Variants in IRAK1 observed in about 807,000 individuals in gnomAD.
IRAK1 encodes interleukin-1 receptor-associated kinase 1.
A neutral mutation model predicts 49.8 loss-of-function variants in IRAK1; 9 were observed. The ratio of observed to expected loss-of-function variants is 0.18; its 90% CI spans 0.11 to 0.32. The LOEUF (loss-of-function observed/expected upper bound fraction) is 0.32. IRAK1 is among the 10% of genes least tolerant of loss of function. IRAK1 has a pLI of 1.00. For missense variants in IRAK1, 418 were observed against 600.5 expected (o/e 0.70, Z 3.18); for synonymous variants, 282 against 270.8 (o/e 1.04, Z -0.41).
chrX:154,015,692 G>T (rs1557128955), intron 10 of IRAK1, among the ~76,000 whole-genome samples: 1 of 111,658 alleles, frequency 9.0e-6, no homozygotes, highest in African/African-American at 3.3e-5. Flanking sequence ...GGGCCCAGGA[G>T]GTTCCTCGGG....
chrX:154,017,583 G>A (rs2065748083), intron 7 of IRAK1, among the ~76,000 whole-genome samples: 1 of 111,285 alleles, frequency 9.0e-6, no homozygotes, highest in Non-Finnish European at 1.9e-5. Flanking sequence ...ACCACCTGGG[G>A]TCAGGAGTTC....
chrX:154,016,270 T>C (rs2065738112), intron 9 of IRAK1, among the ~76,000 whole-genome samples, 167 bp downstream of exon 9: 1 of 112,560 alleles, frequency 8.9e-6, no homozygotes, highest in African/African-American at 3.2e-5. Context: ...AAACACACAG[T>C]TAGGTGCAGG....
intron 13 of IRAK1, 62 bp from the exon 14 acceptor site, chrX:154,011,979 C>T (rs964172103): frequency 3.0e-6 from 3 of 1,016,266 alleles, no homozygotes; most frequent in African/African-American, 1.9e-5. Context: ...TGCCAGAAGC[C>T]CTGGCTCAAG....
intron 7 of IRAK1, among the ~76,000 whole-genome samples, chrX:154,017,271 G>T (rs1342873315): frequency 8.9e-6 from 1 of 112,371 alleles, no homozygotes; most frequent in Non-Finnish European, 1.9e-5. Flanking sequence ...GAATCTGCTG[G>T]GCTTCGGCTC....
At position 154,010,886 on chromosome X, in the gene IRAK1, G is replaced by A. The variant is rs2065692807; in HGVS notation, c.*973C>T. ...GCTTGTGGCCTCCGAAGCCTGACCT[G>A]GCTCGGAGCTCGTCTGTGGCGCCCA... On this transcript the variant is annotated 3_prime_UTR_variant, in exon 14 of 14. Coordinates refer to ENST00000369980, the MANE Select transcript of IRAK1 (RefSeq NM_001569.4). 1 of 330,829 alleles carries A rather than the reference G, an allele frequency of 3.0e-6. No homozygotes were observed. Among genetic ancestry groups the A allele is most frequent in the Non-Finnish European group, 6.1e-6 (1 of 165,011 alleles). The allele number at this position is 330,829 out of a possible 1,213,427, so 27.3% of individuals were successfully genotyped here.
At position 154,010,836 on chromosome X, in the gene IRAK1, A is replaced by C. The variant is rs2065692229; in HGVS notation, c.*1023T>G. 1 of 288,256 alleles carries C rather than the reference A, an allele frequency of 3.5e-6. No individual in the cohort carries two copies. Among genetic ancestry groups the C allele is most frequent in the Admixed American group, 4.0e-5 (1 of 25,137 alleles). The allele number at this position is 288,256 out of a possible 1,213,427, so 23.8% of individuals were successfully genotyped here. On this transcript the variant is annotated 3_prime_UTR_variant, in exon 14 of 14. Transcript: ENST00000369980. ...CCTTGGGTAGTGGCCCCTCTGCCAC[A>C]ATCAGTGCCTGGGCCTGAGGCTGAG...
rs782256946 is a variant in IRAK1, at chrX:154,011,764, C to A, written c.*95G>T. 1 of 920,925 alleles carries A rather than the reference C, an allele frequency of 1.1e-6. No individual in the cohort carries two copies. The highest frequency in any genetic ancestry group is 2.0e-5 in the South Asian group (1 of 51,090). 75.9% of individuals were successfully genotyped at this position (920,925 alleles called of 1,213,427 possible). A position where few individuals can be genotyped will look rare whatever the true frequency, so the allele number is the denominator to read the frequency against. On this transcript the variant is annotated 3_prime_UTR_variant, in exon 14 of 14. Transcript: ENST00000369980. ...CCGCGGGCATGGGCCCCCACCCCCA[C>A]TGCCGGCAGAGTGCTGAGGACTCGT...
chrX:154,012,179 G>A (rs1489035981), intron 13 of IRAK1, among the ~76,000 whole-genome samples: 2 of 112,806 alleles, frequency 1.8e-5, no homozygotes, highest in Non-Finnish European at 3.8e-5. Flanking sequence ...CAAAAGTGCT[G>A]GTATTATAGG....
Position 154,011,934 on chromosome X carries a change from A to G in IRAK1, c.2081-17T>C. ...GGCCCAAGCCTACAGAAGGAAGAGGAAAGTCCGCTTAGCAAATGGGGGAGG... is the reference window on the plus strand; with the variant it reads ...GGCCCAAGCCTACAGAAGGAAGAGGGAAGTCCGCTTAGCAAATGGGGGAGG... On this transcript the variant is annotated splice_polypyrimidine_tract_variant and intron_variant, in intron 13 of 13. Transcript: ENST00000369980. 8.3e-7 allele frequency: 1 copy of G among 1,199,325 alleles called. No individual in the cohort carries two copies. Among genetic ancestry groups the G allele is most frequent in the Non-Finnish European group, 1.1e-6 (1 of 886,694 alleles).
rs112382654 is a variant in IRAK1 at position 154,012,681 on chromosome X, G to A, written c.1931-3C>T. ...TGCAGAGCTGCCAAGGGCCAGTCCT[G>A]GGGTGGAGATGGCACTCCCTTAGCC... On this transcript the variant is annotated splice_region_variant and splice_polypyrimidine_tract_variant and intron_variant, in intron 12 of 13. Transcript: ENST00000369980. The A allele has an allele frequency of 3.3e-6, 4 of 1,208,272 alleles. No individual in the cohort carries two copies. In the Admixed American group the frequency reaches 6.5e-5, roughly 20 times the overall value.
At chrX:154,011,967 A>G in intron 13 of IRAK1, 50 bp from the exon 14 acceptor site, 1 of 1,075,738 alleles carries the variant, frequency 9.3e-7, no homozygotes, top group Non-Finnish European at 1.3e-6. Flanking sequence ...AGGCTCCCCT[A>G]CTGCCAGAAG....
intron 11 of IRAK1, 141 bp downstream of exon 11, chrX:154,013,901 C>T (rs1206822705): frequency 7.9e-6 from 7 of 887,227 alleles, no homozygotes; most frequent in Non-Finnish European, 1.1e-5. Flanking sequence ...GGCGCTGCCC[C>T]AAACAGAACC....
intron 10 of IRAK1, among the ~76,000 whole-genome samples, chrX:154,014,812 C>T: frequency 8.9e-6 from 1 of 111,982 alleles, no homozygotes; most frequent in Middle Eastern, 4.6e-3. Context: ...CCTAGGGATA[C>T]AGGAACAAAC....
rs1293495915 is a variant in IRAK1, at chrX:154,013,939, C to T, written c.1539+103G>A. On this transcript the variant is annotated intron_variant, in intron 11 of 13. Transcript: ENST00000369980. Reference sequence around the variant, plus strand: ...AGGGCAAGCAAGAAATGTGTGGAGACTCCAGAGAGACCTAGCAGGTGCTGA... The same window carrying T: ...AGGGCAAGCAAGAAATGTGTGGAGATTCCAGAGAGACCTAGCAGGTGCTGA... The T allele has an allele frequency of 2.9e-6, 3 of 1,032,699 alleles. No homozygotes were observed. The African/African-American group carries it at 5.8e-5, about 20-fold the overall frequency. 85.1% of individuals were successfully genotyped at this position (1,032,699 alleles called of 1,213,427 possible). A position where few individuals can be genotyped will look rare whatever the true frequency, so the allele number is the denominator to read the frequency against.
chrX:154,015,961 C>T (rs782198430), intron 10 of IRAK1, 71 bp downstream of exon 10: 151 of 925,541 alleles, frequency 1.6e-4, no homozygotes, highest in African/African-American at 1.1e-3. Flanking sequence ...CAGTTATCCC[C>T]GCCACTGGGG....
Position 154,018,995 on chromosome X carries a change from G to A in IRAK1, c.520C>T (p.Pro174Ser), listed in dbSNP as rs1557130542. The change falls in exon 4 of 14, where the codon CCA becomes TCA. Residue 174 changes from proline (P) to serine (S), a missense_variant. Physicochemically the swap from Pro to Ser is moderately conservative, Grantham distance 74 (BLOSUM62 -1). Transcript: ENST00000369980. ...PASLWPPPPSPAPSSTKPGPE... is the reference protein window; with the variant it reads ...PASLWPPPPSSAPSSTKPGPE... ...CCTACCTTGGTAGAAGAAGGGGCTG[G>A]AGATGGCGGTGGAGGCCACAGGGAA... is the stretch of plus-strand genomic sequence containing the variant. 2 of 1,202,551 alleles carry A rather than the reference G, an allele frequency of 1.7e-6. No individual in the cohort carries two copies. The highest frequency in any genetic ancestry group is 2.2e-6 in the Non-Finnish European group (2 of 890,869).
chrX:154,013,750 G>C (rs868957695), intron 11 of IRAK1, among the ~76,000 whole-genome samples: 1 of 112,966 alleles, frequency 8.9e-6, no homozygotes, highest in African/African-American at 3.2e-5. Context: ...GGGTACTAGG[G>C]AGGGGACAGA....
Position 154,016,430 on chromosome X carries a change from G to A in IRAK1, c.1236+7C>T, listed in dbSNP as rs781878424. 3 of 1,206,664 alleles carry A rather than the reference G, an allele frequency of 2.5e-6. No individual in the cohort carries two copies. In the Admixed American group the frequency reaches 6.5e-5, roughly 26 times the overall value. On this transcript the variant is annotated splice_region_variant and intron_variant, in intron 9 of 13. Transcript: ENST00000369980. The stretch of plus-strand genomic sequence containing the variant: ...CCTCTGAGCCAGCAGAGGGGTCAGT[G>A]GCTCACCACCCCAAAGCTGAAGGTG...
chrX:154,016,882 T>G, intron 8 of IRAK1, 67 bp downstream of exon 8: 1 of 806,773 alleles, frequency 1.2e-6, no homozygotes, highest in Non-Finnish European at 1.9e-6. Flanking sequence ...GATCCCCACA[T>G]TGATAGGACG....
Sources: gnomAD v4.1 joint callset for allele counts (sites outside exome capture counted in the v4.1 genomes callset) on GRCh38, gnomAD v4.1.1 for gene constraint, MANE v1.5 for transcripts, NCBI Gene and HGNC (gene_info 2026-07-23, HGNC 2026-07-21) for gene names.